UBE2Q1: variants seen among roughly 807,000 people sequenced by gnomAD.
The protein encoded by UBE2Q1 is ubiquitin conjugating enzyme E2 Q1.
Under a neutral mutation model 60.1 loss-of-function variants are expected in UBE2Q1, and 6 were observed. That is an observed-to-expected ratio of 0.10 (90% CI 0.05 to 0.20). The LOEUF (loss-of-function observed/expected upper bound fraction) is 0.20. Among genes scored for constraint, UBE2Q1 ranks in the 10% least tolerant of loss-of-function variants. The pLI, the probability that UBE2Q1 is intolerant of heterozygous loss-of-function variation, is 1.00. For synonymous variants in UBE2Q1, 226 were observed against 208.3 expected, an observed-to-expected ratio of 1.09 and a Z score of -0.73; for missense variants, 262 against 525.8, an observed-to-expected ratio of 0.50 and a Z score of 4.91.
chr1:154,555,850 G>A lies in UBE2Q1; in HGVS notation c.432+10C>T. ...GAACAAAATGTACCCCTACCCTGTGGCCCCCTCACCAGAGTATTCCCTTTC... is the reference window on the plus strand; with the variant it reads ...GAACAAAATGTACCCCTACCCTGTGACCCCCTCACCAGAGTATTCCCTTTC... On this transcript the variant is annotated intron_variant, in intron 2 of 12. Transcript: ENST00000292211. 1.2e-6 allele frequency: 2 copies of A among 1,611,994 alleles called. No homozygotes were observed. The highest frequency in any genetic ancestry group is 1.7e-6 in the Non-Finnish European group (2 of 1,178,240).
rs116776830 is a variant in UBE2Q1, at chr1:154,554,090, A to G, written c.588+645T>C. Among the ~76,000 whole-genome samples, 2 of 152,350 alleles carry G rather than the reference A, an allele frequency of 1.3e-5. 1 individual carries two copies. Among genetic ancestry groups the G allele is most frequent in the Non-Finnish European group, 2.9e-5 (2 of 68,032 alleles). On this transcript the variant is annotated intron_variant, in intron 4 of 12. Transcript: ENST00000292211. The stretch of plus-strand genomic sequence containing the variant: ...TGCCAGGTTCTGTCCTAGGTGCCGC[A>G]GATACTAGCTCATTTCATTCTTACC...
Position 154,552,802 on chromosome 1 carries a change from C to A in UBE2Q1, c.748G>T (p.Val250Leu). The A allele has an allele frequency of 6.2e-7, 1 of 1,614,196 alleles. No individual in the cohort carries two copies. Among genetic ancestry groups the A allele is most frequent in the Non-Finnish European group, 8.5e-7 (1 of 1,180,038 alleles). Reference sequence around the variant, plus strand: ...TTCATCAGCCGGTCAGTGGCCTGCACCGAGCCAGACACTGCACCCTGTGAG... The same window carrying A: ...TTCATCAGCCGGTCAGTGGCCTGCAACGAGCCAGACACTGCACCCTGTGAG... ...DYLNGAVSGS[V>L]QATDRLMKEL... The change falls in exon 6 of 13, where the codon GTG becomes TTG. Residue 250 changes from valine to leucine, a missense_variant. By Grantham distance (32) the Val-to-Leu change is conservative. Coordinates refer to ENST00000292211, the MANE Select transcript of UBE2Q1 (RefSeq NM_017582.7).
At chr1:154,550,772 G>A in intron 12 of UBE2Q1, 166 bp downstream of exon 12, 1 of 985,402 alleles carries the variant, frequency 1.0e-6, no homozygotes, top group Non-Finnish European at 1.2e-6. Flanking sequence ...AAGAGGTTGT[G>A]AATGTTAGCC....
intron 3 of UBE2Q1, 79 bp downstream of exon 3, chr1:154,555,349 C>T: frequency 1.6e-6 from 2 of 1,232,420 alleles, no homozygotes; most frequent in Non-Finnish European, 2.4e-6. Flanking sequence ...AGAGAAACTA[C>T]TGATTTGTCT....
At chr1:154,555,138 G>A (rs1003338991) in intron 3 of UBE2Q1, 2 of 551,610 alleles carry the variant, frequency 3.6e-6, no homozygotes, top group Non-Finnish European at 6.5e-6. Flanking sequence ...GGTCCCCAGT[G>A]GCCACCAACT....
intron 7 of UBE2Q1, 46 bp downstream of exon 7, chr1:154,552,358 C>G (rs2149361648): frequency 6.2e-7 from 1 of 1,611,616 alleles, no homozygotes; most frequent in South Asian, 1.1e-5. Flanking sequence ...TAGCCCCACT[C>G]ACACTCCTCC....
chr1:154,552,201 T>G lies in UBE2Q1; in HGVS notation c.876-18A>C. 1.9e-6 allele frequency: 3 copies of G among 1,614,080 alleles called. No homozygotes were observed. Among genetic ancestry groups the G allele is most frequent in the Non-Finnish European group, 2.5e-6 (3 of 1,179,936 alleles). On this transcript the variant is annotated intron_variant, in intron 7 of 12. Coordinates refer to ENST00000292211, the MANE Select transcript of UBE2Q1 (RefSeq NM_017582.7). ...GGTCAACTCTAAGAAGCAACAAGCC[T>G]GGGCTCAGATGCCTGGTTCCACCTC...
Position 154,550,274 on chromosome 1 carries a change from C to T in UBE2Q1, c.*164G>A. On this transcript the variant is annotated 3_prime_UTR_variant, in exon 13 of 13. Transcript: ENST00000292211. ...AAACAGTTCTGTGTTTGTTTTTTTT[C>T]CTTAGCGTTTAGAATAGCCATCATT... is the stretch of plus-strand genomic sequence containing the variant. 8.5e-6 allele frequency: 8 copies of T among 942,458 alleles called. No individual in the cohort carries two copies. Among genetic ancestry groups the T allele is most frequent in the South Asian group, 3.5e-5 (2 of 57,800 alleles). 58.4% of individuals were successfully genotyped at this position (942,458 alleles called of 1,614,324 possible). A position where few individuals can be genotyped will look rare whatever the true frequency, so the allele number is the denominator to read the frequency against.
At chr1:154,557,004 A>G (rs1451625721) in intron 1 of UBE2Q1, among the ~76,000 whole-genome samples, 1 of 152,264 alleles carries the variant, frequency 6.6e-6, no homozygotes, top group African/African-American at 2.4e-5. Context: ...TCTTCACTTA[A>G]CTAAGCCACT....
chr1:154,555,055 C>G, intron 3 of UBE2Q1: 1 of 527,422 alleles, frequency 1.9e-6, no homozygotes, highest in Non-Finnish European at 3.4e-6. Flanking sequence ...TAGTTTAATT[C>G]TCCTAAGAAC....
rs1326049244 is a variant in UBE2Q1, at chr1:154,558,477, C to T, written c.77G>A (p.Gly26Glu). 9 of 1,279,762 alleles carry T rather than the reference C, an allele frequency of 7.0e-6. No homozygotes were observed. The African/African-American group carries it at 9.5e-5, about 14-fold the overall frequency. 79.3% of individuals were successfully genotyped at this position (1,279,762 alleles called of 1,614,324 possible). A position where few individuals can be genotyped will look rare whatever the true frequency, so the allele number is the denominator to read the frequency against. ...GCCCCCCCCTGGGCCGCCCCCGGCC[C>T]CCGGCGCCGCCCCCTGGCCCCCCAG... Reference protein sequence around the residue: ...QQLGGQGAAPGAGGGPGGGPG... With the variant: ...QQLGGQGAAPEAGGGPGGGPG... Residue 26 changes from glycine (G) to glutamate (E), a missense_variant, in exon 1 of 13, where the codon GGG becomes GAG. By Grantham distance (98) the Gly-to-Glu change is moderately conservative. Transcript: ENST00000292211.
intron 1 of UBE2Q1, among the ~76,000 whole-genome samples, chr1:154,556,737 G>C (rs2149362868): frequency 6.6e-6 from 1 of 152,322 alleles, no homozygotes; most frequent in South Asian, 2.1e-4. Context: ...TATAGCCATG[G>C]GGAGTCTGGC....
chr1:154,552,634 G>C, intron 6 of UBE2Q1, 102 bp downstream of exon 6: 1 of 1,477,668 alleles, frequency 6.8e-7, no homozygotes, highest in South Asian at 1.3e-5. Flanking sequence ...GGCCTGAAAA[G>C]TTCATAAGCA....
In UBE2Q1 at chr1:154,548,732, C is replaced by A. The variant is rs1439409304; in HGVS notation, c.*1706G>T. 1.3e-5 allele frequency: 2 copies of A among 152,636 alleles called. No homozygotes were observed. Among genetic ancestry groups the A allele is most frequent in the Non-Finnish European group, 1.5e-5 (1 of 68,050 alleles). The allele number at this position is 152,636 out of a possible 1,614,324, so 9.5% of individuals were successfully genotyped here. On this transcript the variant is annotated 3_prime_UTR_variant, in exon 13 of 13. Coordinates refer to ENST00000292211, the MANE Select transcript of UBE2Q1 (RefSeq NM_017582.7). ...TAAGTTCAGAAGAAAGCCACAGAGGCCTTGAAAACCAGATTTCAGCTCTAT... is the reference window on the plus strand; with the variant it reads ...TAAGTTCAGAAGAAAGCCACAGAGGACTTGAAAACCAGATTTCAGCTCTAT...
At chr1:154,557,061 TGAAAA>T (rs1330862489) in intron 1 of UBE2Q1, among the ~76,000 whole-genome samples, 2 of 152,082 alleles carry the variant, frequency 1.3e-5, no homozygotes, top group Non-Finnish European at 2.9e-5. Context: ...AGAAAGGAAA[TGAAAA>T]GAGAAATGGG....
At position 154,555,923 on chromosome 1, in the gene UBE2Q1, A is replaced by G. The variant is rs755762636; in HGVS notation, c.369T>C (p.Ser123=). The change falls in exon 2 of 13, where the codon TCT becomes TCC. Residue 123 remains serine, a synonymous_variant. Transcript: ENST00000292211. ...PAVPPIWSVE[S]DDPNLAAVLE... is the part of the protein sequence containing the mutation. ...AGACAGCAGCCAAGTTAGGGTCATCAGACTCCACCGACCAGATGGGGGGCA... is the reference window on the plus strand; with the variant it reads ...AGACAGCAGCCAAGTTAGGGTCATCGGACTCCACCGACCAGATGGGGGGCA... 2.5e-6 allele frequency: 4 copies of G among 1,614,134 alleles called. No individual in the cohort carries two copies. The South Asian group carries it at 3.3e-5, about 13-fold the overall frequency.
At chr1:154,553,270 C>CA (rs1481346236) in intron 4 of UBE2Q1, 98 bp from the exon 5 acceptor site, 1 of 1,481,002 alleles carries the variant, frequency 6.8e-7, no homozygotes, top group Admixed American at 2.4e-5. Flanking sequence ...GGCGAAGAGC[C>CA]AAAAGTTAAA....
Position 154,550,287 on chromosome 1 carries a change from A to G in UBE2Q1, c.*151T>C. 1.9e-6 allele frequency: 2 copies of G among 1,046,054 alleles called. No homozygotes were observed. Among genetic ancestry groups the G allele is most frequent in the East Asian group, 4.9e-5 (2 of 40,882 alleles). 64.8% of individuals were successfully genotyped at this position (1,046,054 alleles called of 1,614,324 possible). On this transcript the variant is annotated 3_prime_UTR_variant, in exon 13 of 13. Transcript: ENST00000292211. ...TTTGTTTTTTTTCCTTAGCGTTTAG[A>G]ATAGCCATCATTGTCCTGCAATAGG...
chr1:154,549,788 G>C lies in UBE2Q1; in HGVS notation c.*650C>G, dbSNP rs973517569. The C allele has an allele frequency of 6.6e-6, 1 of 152,666 alleles. No homozygotes were observed. Among genetic ancestry groups the C allele is most frequent in the Non-Finnish European group, 1.5e-5 (1 of 68,070 alleles). The allele number at this position is 152,666 out of a possible 1,614,324, so 9.5% of individuals were successfully genotyped here. A position where few individuals can be genotyped will look rare whatever the true frequency, so the allele number is the denominator to read the frequency against. ...AAGGGGGCAAGTGCTGGTTGCTCCA[G>C]AGGCCTTGAGGAGAAATCTAGGGGC... On this transcript the variant is annotated 3_prime_UTR_variant, in exon 13 of 13. Coordinates refer to ENST00000292211, the MANE Select transcript of UBE2Q1 (RefSeq NM_017582.7).
Sources: gnomAD v4.1 joint callset for allele counts (sites outside exome capture counted in the v4.1 genomes callset) on GRCh38, gnomAD v4.1.1 for gene constraint, MANE v1.5 for transcripts, NCBI Gene and HGNC (gene_info 2026-07-23, HGNC 2026-07-21) for gene names.